MOB3A: variants seen among roughly 807,000 people sequenced by gnomAD.
MOB3A encodes the protein MOB LAK.
A neutral mutation model predicts 17.8 loss-of-function variants in MOB3A; 17 were observed. The observed-to-expected ratio is 0.95, with a 90% CI of 0.65 to 1.43. The LOEUF (loss-of-function observed/expected upper bound fraction) is 1.43, where lower values mean the gene tolerates loss of function less well. MOB3A is among the 40% of genes most tolerant of loss of function. The pLI is 0.00. For synonymous variants in MOB3A, 124 were observed against 133.2 expected, an observed-to-expected ratio of 0.93 and a Z score of 0.48; for missense variants, 333 against 310.8, an observed-to-expected ratio of 1.07 and a Z score of -0.54.
chr19:2,078,564 G>C lies in MOB3A; in HGVS notation c.-4C>G. 1 of 1,559,278 alleles carries C rather than the reference G, an allele frequency of 6.4e-7. No individual in the cohort carries two copies. The highest frequency in any genetic ancestry group is 8.7e-7 in the Non-Finnish European group (1 of 1,148,564). ...GCTTCAGGAAGGGGTTGGACATCTT[G>C]GTGACGCCTGCTCTCCTGGACTTCT... On this transcript the variant is annotated 5_prime_UTR_variant, in exon 3 of 5. Transcript: ENST00000357066.
At chr19:2,095,555 G>A (rs1012529912) in intron 1 of MOB3A, among the ~76,000 whole-genome samples, 1 of 152,278 alleles carries the variant, frequency 6.6e-6, no homozygotes, top group African/African-American at 2.4e-5. Flanking sequence ...TCCTGCGGGA[G>A]GGCAGCGGGC....
Position 2,073,204 on chromosome 19 carries a change from CTCGAGACTGAGGA to C in MOB3A, c.*178_*190del. On this transcript the variant is annotated 3_prime_UTR_variant, in exon 5 of 5. Transcript: ENST00000357066. ...TTTAGTCCCAGACGGGAGACTGAGG[CTCGAGACTGAGGA>C]AGGCATCTGCCGTCCGGGGTTGGAG... 1.5e-6 allele frequency: 1 copy of C among 670,242 alleles called. No individual in the cohort carries two copies. Among genetic ancestry groups the C allele is most frequent in the Non-Finnish European group, 2.6e-6 (1 of 378,302 alleles). 41.5% of individuals were successfully genotyped at this position (670,242 alleles called of 1,614,324 possible).
intron 3 of MOB3A, 34 bp from the exon 4 acceptor site, chr19:2,077,047 T>C: frequency 6.3e-7 from 1 of 1,578,744 alleles, no homozygotes; most frequent in Non-Finnish European, 8.7e-7. Context: ...GTCCACGGAC[T>C]CAGCCAAGTC....
chr19:2,076,490 C>G (rs2017410276), intron 4 of MOB3A, among the ~76,000 whole-genome samples: 1 of 152,192 alleles, frequency 6.6e-6, no homozygotes, highest in African/African-American at 2.4e-5. Context: ...TGTGCCGGCT[C>G]GCATCCCTTT....
intron 1 of MOB3A, among the ~76,000 whole-genome samples, chr19:2,094,002 G>A (rs2017641217): frequency 6.6e-6 from 1 of 152,004 alleles, no homozygotes; most frequent in Non-Finnish European, 1.5e-5. Context: ...TGACAGCCCG[G>A]GGGGCTCATC....
In MOB3A at chr19:2,073,331, GCGTCCTCCT is replaced by G. The variant is rs1398893911; in HGVS notation, c.*55_*63del. On this transcript the variant is annotated 3_prime_UTR_variant, in exon 5 of 5. Coordinates refer to ENST00000357066, the MANE Select transcript of MOB3A (RefSeq NM_130807.3). The stretch of plus-strand genomic sequence containing the variant: ...AGAGAAGCGGGATGATGGTTCCAGA[GCGTCCTCCT>G]CCAAGTCTCCGAGGCCCCAGCGGCG... 4.3e-5 allele frequency: 69 copies of G among 1,592,076 alleles called. No homozygotes were observed. The highest frequency in any genetic ancestry group is 5.9e-5 in the Non-Finnish European group (69 of 1,163,262).
rs772437903 is a variant in MOB3A, at chr19:2,076,951, C to T, written c.484G>A (p.Val162Met). 10 of 1,613,894 alleles carry T rather than the reference C, an allele frequency of 6.2e-6. No individual in the cohort carries two copies. The highest frequency in any genetic ancestry group is 2.7e-5 in the African/African-American group (2 of 75,050). ...TGGTGGATGTAGACGTGCACGAACA[C>T]GCGGAACAGCCGCGACAGGATCTTC... is the stretch of plus-strand genomic sequence containing the variant. ...VRKILSRLFR[V>M]FVHVYIHHFD... The change falls in exon 4 of 5, where the codon GTG (valine) becomes ATG (methionine). Residue 162 changes from valine (V) to methionine (M), a missense_variant. Val to Met is a conservative substitution (Grantham distance 21). Coordinates refer to ENST00000357066, the MANE Select transcript of MOB3A (RefSeq NM_130807.3).
Position 2,086,638 on chromosome 19 carries a change from G to A in MOB3A, c.-273-1310C>T, listed in dbSNP as rs111440636. On this transcript the variant is annotated intron_variant, in intron 1 of 4. Coordinates refer to ENST00000357066, the MANE Select transcript of MOB3A (RefSeq NM_130807.3). ...CTCCCAAAGTGCTGGGATTACAGGC[G>A]TGAGCCAGCATGCCTGGCCTGAGGG... is the stretch of plus-strand genomic sequence containing the variant. Among the ~76,000 whole-genome samples the A allele has an allele frequency of 1.8e-3, 273 of 152,266 alleles. 2 individuals are homozygous for A. Among genetic ancestry groups the A allele is most frequent in the Non-Finnish European group, 1.3e-3 (89 of 68,016 alleles).
chr19:2,078,519 C>G lies in MOB3A; in HGVS notation c.42G>C (p.Lys14Asn). The G allele has an allele frequency of 6.3e-7, 1 of 1,594,504 alleles. No individual in the cohort carries two copies. Among genetic ancestry groups the G allele is most frequent in the Non-Finnish European group, 8.6e-7 (1 of 1,167,018 alleles). The part of the protein sequence containing the change: ...PFLKQVFNKD[K>N]TFRPKRKFEP... ...CAAACTTGCGCTTGGGGCGGAATGT[C>G]TTGTCCTTGTTGAAGACTTGCTTCA... The change falls in exon 3 of 5, where the codon AAG (lysine) becomes AAC (asparagine). Residue 14 changes from lysine to asparagine, a missense_variant. Coordinates refer to ENST00000357066, the MANE Select transcript of MOB3A (RefSeq NM_130807.3).
At position 2,093,521 on chromosome 19, in the gene MOB3A, G is replaced by GTATT. The variant is rs2017636205; in HGVS notation, c.-274+2701_-274+2704dup. Reference sequence around the variant, plus strand: ...TGTGGTCCAGCGTGTGCCTGGCTGTGTATTTAGTAGAGATGGGGTTTTGCC... The same window carrying GTATT: ...TGTGGTCCAGCGTGTGCCTGGCTGTGTATTTATTTAGTAGAGATGGGGTTTTGCC... On this transcript the variant is annotated intron_variant, in intron 1 of 4. Transcript: ENST00000357066. The surrounding 1 kb of genome is among the most constrained non-coding windows in gnomAD (Gnocchi z 4.6). Among the ~76,000 whole-genome samples the GTATT allele has an allele frequency of 2.0e-5, 3 of 152,120 alleles. No homozygotes were observed. The South Asian group carries it at 6.2e-4, about 31-fold the overall frequency.
rs2017329352 is a variant in MOB3A, at chr19:2,071,060, T to C, written c.*2335A>G. ...ATTCCGACGTCTGCGTCTGTAGTTT[T>C]ATTCCGTATCTGGCTGGGGGAGGGT... On this transcript the variant is annotated 3_prime_UTR_variant, in exon 5 of 5. Coordinates refer to ENST00000357066, the MANE Select transcript of MOB3A (RefSeq NM_130807.3). The C allele has an allele frequency of 6.6e-6, 1 of 152,164 alleles. No homozygotes were observed. Among genetic ancestry groups the C allele is most frequent in the African/African-American group, 2.4e-5 (1 of 41,400 alleles). The allele number at this position is 152,164 out of a possible 1,614,324, so 9.4% of individuals were successfully genotyped here.
At position 2,081,116 on chromosome 19, in the gene MOB3A, T is replaced by A. The variant is rs1022076092; in HGVS notation, c.-119-2437A>T. 7.3e-5 allele frequency among the ~76,000 whole-genome samples: 11 copies of A among 151,378 alleles called. 1 individual carries two copies. Among genetic ancestry groups the A allele is most frequent in the Admixed American group, 2.6e-4 (4 of 15,202 alleles). ...GCCTGGGCAACAGAGTAAGACCCTG[T>A]CTCAAAAAATAAAAAATAAGGTGTG... On this transcript the variant is annotated intron_variant, in intron 2 of 4. Coordinates refer to ENST00000357066, the MANE Select transcript of MOB3A (RefSeq NM_130807.3).
In MOB3A at chr19:2,071,418, G is replaced by A. The variant is rs1047540838; in HGVS notation, c.*1977C>T. On this transcript the variant is annotated 3_prime_UTR_variant, in exon 5 of 5. Coordinates refer to ENST00000357066, the MANE Select transcript of MOB3A (RefSeq NM_130807.3). ...CAGTAACAGTGTGTTAATTGCACTT[G>A]TTCGATTTTCTGGCAGAAGCCAGGA... The A allele has an allele frequency of 1.4e-4, 21 of 152,394 alleles. No individual in the cohort carries two copies. Among genetic ancestry groups the A allele is most frequent in the African/African-American group, 4.8e-4 (20 of 41,576 alleles). 9.4% of individuals were successfully genotyped at this position (152,394 alleles called of 1,614,324 possible).
chr19:2,091,916 G>C (rs2017618018), intron 1 of MOB3A, among the ~76,000 whole-genome samples: 1 of 150,146 alleles, frequency 6.7e-6, no homozygotes, highest in Middle Eastern at 3.4e-3. Flanking sequence ...AGAATCGCTT[G>C]AACCTGGGAG....
At position 2,074,098 on chromosome 19, in the gene MOB3A, C is replaced by T. The variant is rs184882657; in HGVS notation, c.625-674G>A. ...CATGAGGTCAGGAGATCGAGACCAT[C>T]CTGGCTAACATGGTGAAACCCCGTC... On this transcript the variant is annotated intron_variant, in intron 4 of 4. Coordinates refer to ENST00000357066, the MANE Select transcript of MOB3A (RefSeq NM_130807.3). 4.9e-3 allele frequency among the ~76,000 whole-genome samples: 743 copies of T among 151,860 alleles called. 6 individuals carry two copies. The highest frequency in any genetic ancestry group is 0.017 in the African/African-American group (683 of 41,390).
At position 2,072,022 on chromosome 19, in the gene MOB3A, CAAAAA is replaced by C. The variant is rs1189615890; in HGVS notation, c.*1368_*1372del. On this transcript the variant is annotated 3_prime_UTR_variant, in exon 5 of 5. Transcript: ENST00000357066. ...GTGAAACCCTGTCTCTACTAAAATACAAAAAAATTAGCCGGGTGTGACGGTGGGTG... is the reference window on the plus strand; with the variant it reads ...GTGAAACCCTGTCTCTACTAAAATACAATTAGCCGGGTGTGACGGTGGGTG... 6.6e-6 allele frequency: 1 copy of C among 151,946 alleles called. No homozygotes were observed. The highest frequency in any genetic ancestry group is 2.4e-5 in the African/African-American group (1 of 41,330). The allele number at this position is 151,946 out of a possible 1,614,324, so 9.4% of individuals were successfully genotyped here.
chr19:2,075,487 G>T (rs763603741), intron 4 of MOB3A, among the ~76,000 whole-genome samples: 3 of 152,078 alleles, frequency 2.0e-5, no homozygotes, highest in Non-Finnish European at 2.9e-5. Context: ...TAAAAAATCA[G>T]CCGGGCGTGC....
At chr19:2,078,029 TG>T in intron 3 of MOB3A, 110 bp downstream of exon 3, 3 of 1,142,626 alleles carry the variant, frequency 2.6e-6, no homozygotes, top group Non-Finnish European at 3.6e-6. Context: ...AAGCGATCCC[TG>T]GGCTCGGCCT....
intron 2 of MOB3A, chr19:2,084,297 A>T: frequency 2.6e-6 from 1 of 378,792 alleles, no homozygotes; most frequent in Admixed American, 3.2e-5. Context: ...GTTCGAGACC[A>T]GCCTGGCCAA....
Sources: gnomAD v4.1 joint callset for allele counts (sites outside exome capture counted in the v4.1 genomes callset) on GRCh38, gnomAD v4.1.1 for gene constraint, Gnocchi (gnomAD v3.1) non-coding constraint, MANE v1.5 for transcripts, NCBI Gene and HGNC (gene_info 2026-07-23, HGNC 2026-07-21) for gene names.